The following ZNF692 variants were observed in gnomAD, a reference collection of about 807,000 sequenced individuals.
ZNF692 encodes the protein AICAR responsive element binding protein.
In ZNF692, 41 loss-of-function variants were observed where a neutral mutation model predicts 49.0. That is an observed-to-expected ratio of 0.84 (90% CI 0.65 to 1.08). The LOEUF (loss-of-function observed/expected upper bound fraction) is 1.08. Ranked by LOEUF, ZNF692 falls within the 50% of genes least tolerant of loss-of-function variation. The pLI is 0.00. For missense variants in ZNF692, 662 were observed against 662.2 expected (o/e 1.00, Z 0.00); for synonymous variants, 288 against 251.5 (o/e 1.15, Z -1.37).
At position 248,858,989 on chromosome 1, in the gene ZNF692, G is replaced by C. The variant is rs937069596; in HGVS notation, c.-84C>G. ...CCTCCCGGGCCTAGCGAGCAGGCCC[G>C]GAGCTGCTGGAAGACAGGGGCCCAC... On this transcript the variant is annotated 5_prime_UTR_variant, in exon 1 of 12. Coordinates refer to ENST00000306601, the MANE Select transcript of ZNF692 (RefSeq NM_017865.4). The surrounding 1 kb of genome is among the most constrained non-coding windows in gnomAD (Gnocchi z 4.3). 3.6e-5 allele frequency: 6 copies of C among 165,432 alleles called. No homozygotes were observed. The highest frequency in any genetic ancestry group is 6.5e-5 in the Non-Finnish European group (5 of 76,448). The allele number at this position is 165,432 out of a possible 1,614,324, so 10.2% of individuals were successfully genotyped here.
In ZNF692 at chr1:248,857,237, C is replaced by T; in HGVS notation, c.472G>A (p.Ala158Thr). 6.2e-7 allele frequency: 1 copy of T among 1,609,500 alleles called. No homozygotes were observed. The highest frequency in any genetic ancestry group is 8.5e-7 in the Non-Finnish European group (1 of 1,177,718). ...ACTCTGCTTTTTTCCAGCCTACCTG[C>T]AAGCTCCTGCCCACTCGTGGCCTCG... ...CSEATSGQELADLESEHDERT... is the reference protein window; with the variant it reads ...CSEATSGQELTDLESEHDERT... The change falls in exon 4 of 12, where the codon GCA (alanine) becomes ACA (threonine). Residue 158 changes from alanine (A) to threonine (T), a missense_variant. Coordinates refer to ENST00000306601, the MANE Select transcript of ZNF692 (RefSeq NM_017865.4).
rs192459544 is a variant in ZNF692, at chr1:248,855,472, T to C, written c.960-14A>G. Reference sequence around the variant, plus strand: ...TTGGCAGCTTTCCTGAGGAGAAGAATGGAAAGGAGCAGCATGACTCCTGCC... The same window carrying C: ...TTGGCAGCTTTCCTGAGGAGAAGAACGGAAAGGAGCAGCATGACTCCTGCC... On this transcript the variant is annotated splice_polypyrimidine_tract_variant and intron_variant, in intron 8 of 11. Transcript: ENST00000306601. 84 of 1,614,002 alleles carry C rather than the reference T, an allele frequency of 5.2e-5. No individual in the cohort carries two copies. In the East Asian group the frequency reaches 1.5e-3, roughly 29 times the overall value.
At chr1:248,851,525 C>T (rs1659593805) in intron 10 of ZNF692, among the ~76,000 whole-genome samples, 2 of 150,250 alleles carry the variant, frequency 1.3e-5, no homozygotes, top group Non-Finnish European at 2.9e-5. Flanking sequence ...ATCCCCACCT[C>T]TCTGAAGACC....
In ZNF692 at chr1:248,852,143, C is replaced by T. The variant is rs556277960; in HGVS notation, c.1154-1362G>A. On this transcript the variant is annotated intron_variant, in intron 10 of 11. Coordinates refer to ENST00000306601, the MANE Select transcript of ZNF692 (RefSeq NM_017865.4). ...CATCTAAAACCACAAGTCTTAAGGC[C>T]GCCTTCTTGCCCTACTGTGTCTGCA... Among the ~76,000 whole-genome samples, 10 of 152,300 alleles carry T rather than the reference C, an allele frequency of 6.6e-5. 1 individual carries two copies. The East Asian group carries it at 9.6e-4, about 15-fold the overall frequency.
Position 248,853,925 on chromosome 1 carries a change from TC to T in ZNF692, c.1153+11del, listed in dbSNP as rs773025968. ...AAGGTCCCACAGAGGAAGGTGGAGT[TC>T]CACCACTCACCACTGTGCAGCTTCA... On this transcript the variant is annotated intron_variant, in intron 10 of 11. Coordinates refer to ENST00000306601, the MANE Select transcript of ZNF692 (RefSeq NM_017865.4). The T allele has an allele frequency of 1.9e-6, 3 of 1,601,652 alleles. No homozygotes were observed. In the South Asian group the frequency reaches 3.3e-5, roughly 18 times the overall value.
chr1:248,855,895 A>G lies in ZNF692; in HGVS notation c.711T>C (p.Pro237=). ...GGGCTGGTGGTGTCTCCCCCTCTTT[A>G]GGTGTGCAGGTGACAGGGGAAGGCA... The part of the protein sequence containing the change: ...RLLPSPVTCT[P]KEGETPPAPA... Residue 237 remains proline (P), a synonymous_variant, in exon 7 of 12, where the codon CCT becomes CCC. Transcript: ENST00000306601. 1.2e-6 allele frequency: 2 copies of G among 1,614,124 alleles called. No individual in the cohort carries two copies. Among genetic ancestry groups the G allele is most frequent in the Non-Finnish European group, 8.5e-7 (1 of 1,180,032 alleles).
rs1255544499 is a variant in ZNF692, at chr1:248,858,293, G to A, written c.17C>T (p.Ala6Val). MASSP[A>V]VDVSCRRREK... Reference sequence around the variant, plus strand: ...CCGCCGCCTGCAGGACACGTCCACCGCCGGGGAGGAAGCCATGTGCACCAG... The same window carrying A: ...CCGCCGCCTGCAGGACACGTCCACCACCGGGGAGGAAGCCATGTGCACCAG... The change falls in exon 2 of 12, where the codon GCG (alanine) becomes GTG (valine). Residue 6 changes from alanine (A) to valine (V), a missense_variant. Physicochemically the swap from Ala to Val is moderately conservative, Grantham distance 64. Coordinates refer to ENST00000306601, the MANE Select transcript of ZNF692 (RefSeq NM_017865.4). The surrounding 1 kb of genome is among the most constrained non-coding windows in gnomAD (Gnocchi z 4.3). The A allele has an allele frequency of 1.9e-6, 3 of 1,568,916 alleles. No individual in the cohort carries two copies. Among genetic ancestry groups the A allele is most frequent in the Non-Finnish European group, 2.6e-6 (3 of 1,153,302 alleles).
At chr1:248,850,857 C>G (rs751178300) in intron 10 of ZNF692, 76 bp from the exon 11 acceptor site, 1 of 1,296,696 alleles carries the variant, frequency 7.7e-7, no homozygotes, top group Non-Finnish European at 1.1e-6. Flanking sequence ...ACCCACTGTC[C>G]CTCACCAGAG....
chr1:248,857,046 T>A (rs572696874), intron 4 of ZNF692, among the ~76,000 whole-genome samples, 188 bp downstream of exon 4: 3 of 152,316 alleles, frequency 2.0e-5, no homozygotes, highest in Admixed American at 6.5e-5. Context: ...TTTTCACCAA[T>A]GATAGCATAC....
chr1:248,850,131 T>G lies in ZNF692; in HGVS notation c.*79A>C, dbSNP rs1158915299. The G allele has an allele frequency of 6.8e-7, 1 of 1,468,602 alleles. No homozygotes were observed. The allele number at this position is 1,468,602 out of a possible 1,614,324, so 91.0% of individuals were successfully genotyped here. On this transcript the variant is annotated 3_prime_UTR_variant, in exon 12 of 12. Coordinates refer to ENST00000306601, the MANE Select transcript of ZNF692 (RefSeq NM_017865.4). ...TTCCTGGGGACCAAGCATCTGGCAT[T>G]TCTCAAGCAGACCCTCTCCTTGTTG...
intron 10 of ZNF692, among the ~76,000 whole-genome samples, chr1:248,853,135 T>G (rs1326211665): frequency 6.6e-6 from 1 of 152,138 alleles, no homozygotes. Context: ...CAACCCATCC[T>G]TCCCACGGCA....
Position 248,853,965 on chromosome 1 carries a change from G to A in ZNF692, c.1125C>T (p.His375=). ...ACGKSFNFKK[H]LKEHMKLHSD... ...TGTGCAGCTTCATGTGCTCCTTCAG[G>A]TGTTTCTTAAAGTTGAAAGACTTCC... The change falls in exon 10 of 12, where the codon CAC becomes CAT. Residue 375 remains histidine (H), a synonymous_variant. Transcript: ENST00000306601. The A allele has an allele frequency of 1.2e-6, 2 of 1,614,162 alleles. No homozygotes were observed. Among genetic ancestry groups the A allele is most frequent in the East Asian group, 2.2e-5 (1 of 44,876 alleles).
At chr1:248,856,064 C>A in intron 6 of ZNF692, 118 bp from the exon 7 acceptor site, 1 of 1,240,566 alleles carries the variant, frequency 8.1e-7, no homozygotes, top group Non-Finnish European at 1.1e-6. Flanking sequence ...TACCCCCACC[C>A]TAGGCTCCCC....
intron 11 of ZNF692, 62 bp from the exon 12 acceptor site, chr1:248,850,578 G>A: frequency 6.3e-7 from 1 of 1,591,090 alleles, no homozygotes; most frequent in Non-Finnish European, 8.6e-7. Context: ...TTCCCTAGGG[G>A]GTTCCTCCTG....
intron 9 of ZNF692, 51 bp from the exon 10 acceptor site, chr1:248,854,102 C>A: frequency 1.4e-6 from 2 of 1,406,782 alleles, no homozygotes; most frequent in Non-Finnish European, 2.0e-6. Flanking sequence ...GGATAGCCAC[C>A]TTCCACGGAG....
At position 248,850,353 on chromosome 1, in the gene ZNF692, C is replaced by CT; in HGVS notation, c.1416dup (p.Ala473SerfsTer?). 6.2e-7 allele frequency: 1 copy of CT among 1,614,074 alleles called. No individual in the cohort carries two copies. Among genetic ancestry groups the CT allele is most frequent in the African/African-American group, 1.3e-5 (1 of 75,068 alleles). ...GACTCTTGAGGGGCTAGAAGCAGGGCTGGGTGACTTTTGCTACGGTGGGCT... is the reference window on the plus strand; with the variant it reads ...GACTCTTGAGGGGCTAGAAGCAGGGCTTGGGTGACTTTTGCTACGGTGGGCT... On this transcript the variant is annotated frameshift_variant, in exon 12 of 12. Coordinates refer to ENST00000306601, the MANE Select transcript of ZNF692 (RefSeq NM_017865.4). LOFTEE classifies it low-confidence loss of function (END_TRUNC).
Position 248,858,394 on chromosome 1 carries a change from A to G in ZNF692, c.-12-73T>C, listed in dbSNP as rs966752877. The G allele has an allele frequency of 2.3e-5, 35 of 1,541,046 alleles. No individual in the cohort carries two copies. The highest frequency in any genetic ancestry group is 2.4e-5 in the South Asian group (2 of 83,890). On this transcript the variant is annotated intron_variant, in intron 1 of 11. Transcript: ENST00000306601. The surrounding 1 kb of genome is among the most constrained non-coding windows in gnomAD (Gnocchi z 4.3). ...CGGGGACCCGGCTCCACCTGCCGTTAGGGCCTCAGTTTCCTCATCAGTGAA... is the reference window on the plus strand; with the variant it reads ...CGGGGACCCGGCTCCACCTGCCGTTGGGGCCTCAGTTTCCTCATCAGTGAA...
At position 248,857,444 on chromosome 1, in the gene ZNF692, C is replaced by T. The variant is rs1660373138; in HGVS notation, c.265G>A (p.Ala89Thr). 1 of 1,614,006 alleles carries T rather than the reference C, an allele frequency of 6.2e-7. No homozygotes were observed. Among genetic ancestry groups the T allele is most frequent in the Non-Finnish European group, 8.5e-7 (1 of 1,180,016 alleles). ...GLQYLVLLSH[A>T]HSRECSLVPG... ...ACCAGGCTGCACTCTCGGCTGTGGG[C>T]ATGAGACAAGAGCACCAGATACTGC... Residue 89 changes from alanine to threonine, a missense_variant, in exon 4 of 12, where the codon GCC becomes ACC. Physicochemically the swap from Ala to Thr is moderately conservative, Grantham distance 58. Coordinates refer to ENST00000306601, the MANE Select transcript of ZNF692 (RefSeq NM_017865.4).
intron 9 of ZNF692, 59 bp from the exon 10 acceptor site, chr1:248,854,110 G>T: frequency 7.4e-7 from 1 of 1,344,936 alleles, no homozygotes; most frequent in Non-Finnish European, 1.1e-6. Flanking sequence ...ACCTTCCACG[G>T]AGAGATGAAC....
Sources: allele counts gnomAD v4.1 joint callset (sites outside exome capture counted in the v4.1 genomes callset), GRCh38; gene constraint gnomAD v4.1.1; non-coding constraint Gnocchi (gnomAD v3.1); transcripts MANE v1.5; gene names NCBI Gene and HGNC (gene_info 2026-07-23, HGNC 2026-07-21).